The following DAPK1 variants were observed in gnomAD, a reference collection of about 807,000 sequenced individuals.
DAPK1 encodes death associated protein kinase 1.
Under a neutral mutation model 144.9 loss-of-function variants are expected in DAPK1, and 56 were observed. The observed-to-expected ratio is 0.39, with a 90% CI of 0.31 to 0.48. The LOEUF (loss-of-function observed/expected upper bound fraction) is 0.48, where lower values mean the gene tolerates loss of function less well. Among genes scored for constraint, DAPK1 ranks in the 20% least tolerant of loss-of-function variants. DAPK1 has a pLI of 0.95. For synonymous variants in DAPK1, 690 were observed against 749.0 expected, an observed-to-expected ratio of 0.92 and a Z score of 1.29; for missense variants, 1,454 against 1,875.4, an observed-to-expected ratio of 0.78 and a Z score of 4.15.
chr9:87,602,479 C>T (rs1267344441), intron 2 of DAPK1, among the ~76,000 whole-genome samples: 1 of 152,206 alleles, frequency 6.6e-6, no homozygotes, highest in African/African-American at 2.4e-5. Flanking sequence ...TCAGGGCTAA[C>T]CTGCCTTTAC....
At chr9:87,655,259 G>T (rs1298722638) in intron 17 of DAPK1, among the ~76,000 whole-genome samples, 3 of 152,180 alleles carry the variant, frequency 2.0e-5, no homozygotes, top group Admixed American at 2.0e-4. Context: ...CCGCAGACAG[G>T]CTCCCCAGGT....
At chr9:87,510,893 T>C (rs1351106477) in intron 2 of DAPK1, among the ~76,000 whole-genome samples, 1 of 152,222 alleles carries the variant, frequency 6.6e-6, no homozygotes, top group Non-Finnish European at 1.5e-5. Flanking sequence ...TGTGAGGATG[T>C]CTGTGATATG....
chr9:87,682,842 G>A (rs962948364), intron 20 of DAPK1, among the ~76,000 whole-genome samples: 2 of 152,116 alleles, frequency 1.3e-5, no homozygotes, highest in African/African-American at 4.8e-5. Flanking sequence ...GAGGCGCACA[G>A]GTGGCAAATC....
At chr9:87,529,182 G>A (rs1049936943) in intron 2 of DAPK1, among the ~76,000 whole-genome samples, 4 of 152,156 alleles carry the variant, frequency 2.6e-5, no homozygotes, top group African/African-American at 4.8e-5. Flanking sequence ...CTCTCAAGTC[G>A]CCTCCTGGGC....
chr9:87,535,965 G>C (rs774899199), intron 2 of DAPK1, among the ~76,000 whole-genome samples: 29 of 152,150 alleles, frequency 1.9e-4, no homozygotes, highest in African/African-American at 6.5e-4. Context: ...CTGTTACCTT[G>C]GTAGTGAGAA....
chr9:87,614,264 A>T (rs932426983), intron 3 of DAPK1, among the ~76,000 whole-genome samples: 2 of 152,190 alleles, frequency 1.3e-5, no homozygotes, highest in Non-Finnish European at 2.9e-5. Context: ...AACAAACCCT[A>T]TGTGGTATCT....
At chr9:87,635,120 T>G (rs1829844240) in intron 3 of DAPK1, among the ~76,000 whole-genome samples, 1 of 152,000 alleles carries the variant, frequency 6.6e-6, no homozygotes, top group Non-Finnish European at 1.5e-5. Context: ...AAGACGGAGC[T>G]GGCAGGAGAA....
At chr9:87,633,535 G>C (rs1328598808) in intron 3 of DAPK1, among the ~76,000 whole-genome samples, 1 of 152,120 alleles carries the variant, frequency 6.6e-6, no homozygotes, top group East Asian at 1.9e-4. Context: ...CTTGTGAGAA[G>C]GGTCAATGAT....
chr9:87,631,033 T>G (rs1829668642), intron 3 of DAPK1, among the ~76,000 whole-genome samples: 1 of 152,162 alleles, frequency 6.6e-6, no homozygotes, highest in Non-Finnish European at 1.5e-5. Context: ...CACCCACCCC[T>G]TGAGGCCAGA....
chr9:87,635,477 T>C (rs1231622929), intron 3 of DAPK1, among the ~76,000 whole-genome samples: 1 of 152,100 alleles, frequency 6.6e-6, no homozygotes, highest in Non-Finnish European at 1.5e-5. Flanking sequence ...AGCAGAAGTT[T>C]CAGTTCCTTC....
intron 2 of DAPK1, among the ~76,000 whole-genome samples, chr9:87,566,949 A>T (rs142235074): frequency 6.7e-4 from 102 of 152,316 alleles, no homozygotes; most frequent in African/African-American, 2.2e-3. Flanking sequence ...ATAACTATAC[A>T]TTCGGGTGCC....
At chr9:87,588,708 A>T (rs1193925622) in intron 2 of DAPK1, among the ~76,000 whole-genome samples, 2 of 152,174 alleles carry the variant, frequency 1.3e-5, no homozygotes, top group African/African-American at 4.8e-5. Flanking sequence ...GGAAATATGG[A>T]TTTATTTTAA....
rs1212029803 is a variant in DAPK1, at chr9:87,679,528, T to C, written c.2002-1876T>C. On this transcript the variant is annotated intron_variant, in intron 19 of 25. Transcript: ENST00000408954. ...CACGTAAACCTTGAGCAGGTTCCCT[T>C]GGGTGCACTGAACGCCTTGCCTACA... 2.0e-5 allele frequency among the ~76,000 whole-genome samples: 3 copies of C among 152,108 alleles called. No individual in the cohort carries two copies. The South Asian group carries it at 6.2e-4, about 32-fold the overall frequency.
rs1455209408 is a variant in DAPK1 at position 87,499,929 on chromosome 9, T to G, written c.62+790T>G. Among the ~76,000 whole-genome samples the G allele has an allele frequency of 4.6e-5, 7 of 152,332 alleles. No homozygotes were observed. In the South Asian group the frequency reaches 1.2e-3, roughly 27 times the overall value. The stretch of plus-strand genomic sequence containing the variant: ...TGGTCAACTTTAGTAGAAAACCTAG[T>G]TTTCATACATACATTTAAAACTGAA... On this transcript the variant is annotated intron_variant, in intron 2 of 25. Transcript: ENST00000408954.
At chr9:87,613,565 T>C (rs2119002883) in intron 3 of DAPK1, among the ~76,000 whole-genome samples, 1 of 152,368 alleles carries the variant, frequency 6.6e-6, no homozygotes, top group South Asian at 2.1e-4. Context: ...TTTCATTGTA[T>C]GTCAGCGTGG....
intron 2 of DAPK1, among the ~76,000 whole-genome samples, chr9:87,520,933 C>T (rs1357580247): frequency 6.6e-6 from 1 of 152,216 alleles, no homozygotes; most frequent in African/African-American, 2.4e-5. Flanking sequence ...AATGTAGGCT[C>T]ACAGAATGCT....
intron 2 of DAPK1, among the ~76,000 whole-genome samples, chr9:87,578,337 A>G (rs537757614): frequency 1.3e-5 from 2 of 152,208 alleles, no homozygotes; most frequent in South Asian, 2.1e-4. Context: ...TTTTAATTTC[A>G]TCTTCAAAGC....
At chr9:87,561,495 C>T (rs535963528) in intron 2 of DAPK1, among the ~76,000 whole-genome samples, 86 of 151,740 alleles carry the variant, frequency 5.7e-4, no homozygotes, top group Middle Eastern at 3.4e-3. Flanking sequence ...CACTGCACTC[C>T]AGCCTGGGCG....
chr9:87,707,779 T>C lies in DAPK1; in HGVS notation c.*415T>C, dbSNP rs1241402999. 2.2e-6 allele frequency: 1 copy of C among 453,730 alleles called. No homozygotes were observed. The highest frequency in any genetic ancestry group is 4.4e-6 in the Non-Finnish European group (1 of 228,484). 28.1% of individuals were successfully genotyped at this position (453,730 alleles called of 1,614,324 possible). A position where few individuals can be genotyped will look rare whatever the true frequency, so the allele number is the denominator to read the frequency against. On this transcript the variant is annotated 3_prime_UTR_variant, in exon 26 of 26. Coordinates refer to ENST00000408954, the MANE Select transcript of DAPK1 (RefSeq NM_004938.4). The surrounding 1 kb of genome is among the most constrained non-coding windows in gnomAD (Gnocchi z 4.0). The stretch of plus-strand genomic sequence containing the variant: ...TGCATATTTATCCAAAATGTGTATT[T>C]CTTATACGCTTTTCTTTGTTATACC...
Sources: allele counts gnomAD v4.1 joint callset (sites outside exome capture counted in the v4.1 genomes callset), GRCh38; gene constraint gnomAD v4.1.1; non-coding constraint Gnocchi (gnomAD v3.1); transcripts MANE v1.5; gene names NCBI Gene and HGNC (gene_info 2026-07-23, HGNC 2026-07-21).